Variants in SIRT3 observed in about 807,000 individuals in gnomAD.
SIRT3 encodes sirtuin 3, also known as NAD-dependent protein deacetylase sirtuin-3, mitochondrial.
A neutral mutation model predicts 33.5 loss-of-function variants in SIRT3; 26 were observed. The ratio of observed to expected loss-of-function variants is 0.78; its 90% confidence interval spans 0.57 to 1.08. The LOEUF is 1.08. Ranked by LOEUF, SIRT3 falls within the 50% of genes least tolerant of loss-of-function variation. The pLI is 0.00. For missense variants in SIRT3, 585 were observed against 530.1 expected (o/e 1.10, Z -1.02); for synonymous variants, 237 against 222.1 (o/e 1.07, Z -0.60).
In SIRT3 at chr11:215,081, C is replaced by T. The variant is rs1855518037; in HGVS notation, c.*1617G>A. 6.5e-6 allele frequency: 1 copy of T among 154,336 alleles called. No individual in the cohort carries two copies. Among genetic ancestry groups the T allele is most frequent in the African/African-American group, 2.4e-5 (1 of 41,430 alleles). The allele number at this position is 154,336 out of a possible 1,614,324, so 9.6% of individuals were successfully genotyped here. A position where few individuals can be genotyped will look rare whatever the true frequency, so the allele number is the denominator to read the frequency against. ...ATACCACACATAGCCACAGAAACAT[C>T]ATCTTGAAATAAAGAAGAGTTTTGG... On this transcript the variant is annotated 3_prime_UTR_variant, in exon 7 of 7. Transcript: ENST00000382743.
intron 4 of SIRT3, among the ~76,000 whole-genome samples, chr11:229,206 A>G (rs1857562204): frequency 6.8e-6 from 1 of 146,934 alleles, no homozygotes; most frequent in East Asian, 2.0e-4. Flanking sequence ...GTAATCCCAC[A>G]CTTTGGGAGA....
At chr11:217,987 C>T (rs1007357689) in intron 6 of SIRT3, among the ~76,000 whole-genome samples, 14 of 152,210 alleles carry the variant, frequency 9.2e-5, no homozygotes, top group Non-Finnish European at 1.6e-4. Context: ...CCCCCGCACA[C>T]GTCCTCTTGC....
At chr11:232,199 C>A (rs1858137962) in intron 3 of SIRT3, among the ~76,000 whole-genome samples, 1 of 152,060 alleles carries the variant, frequency 6.6e-6, no homozygotes, top group Non-Finnish European at 1.5e-5. Flanking sequence ...CTCACTGCAA[C>A]CTCCGCCTGC....
Position 215,284 on chromosome 11 carries a change from T to A in SIRT3, c.*1414A>T, listed in dbSNP as rs1230427594. On this transcript the variant is annotated 3_prime_UTR_variant, in exon 7 of 7. Coordinates refer to ENST00000382743, the MANE Select transcript of SIRT3 (RefSeq NM_012239.6). Reference sequence around the variant, plus strand: ...TACAAATATGCCCATGTGCTAGGTGTGGTGGGACACACCTGTAATCCCAGC... The same window carrying A: ...TACAAATATGCCCATGTGCTAGGTGAGGTGGGACACACCTGTAATCCCAGC... Among the ~76,000 whole-genome samples the A allele has an allele frequency of 6.6e-6, 1 of 152,034 alleles. No homozygotes were observed. The highest frequency in any genetic ancestry group is 2.4e-5 in the African/African-American group (1 of 41,398).
chr11:236,390 C>T (rs1376819382), upstream of SIRT3: 1 of 1,146,816 alleles, frequency 8.7e-7, no homozygotes, highest in Non-Finnish European at 1.1e-6. Flanking sequence ...GGCCCCGCCT[C>T]CGCCTCCCAC....
At chr11:222,753 C>T (rs1223472597) in intron 5 of SIRT3, 1 of 152,614 alleles carries the variant, frequency 6.6e-6, no homozygotes, top group Non-Finnish European at 1.5e-5. Context: ...CCACCTTCTT[C>T]TCTGCTCCAG....
chr11:227,210 C>T (rs1199929134), intron 4 of SIRT3, among the ~76,000 whole-genome samples: 3 of 151,518 alleles, frequency 2.0e-5, no homozygotes, highest in South Asian at 2.1e-4. Flanking sequence ...GAGGCCGAGG[C>T]GGGTGGATCA....
intron 3 of SIRT3, among the ~76,000 whole-genome samples, chr11:231,470 C>A (rs1165116274): frequency 6.6e-6 from 1 of 152,176 alleles, no homozygotes; most frequent in Non-Finnish European, 1.5e-5. Flanking sequence ...AACATATCTT[C>A]TATTCTACAG....
intron 6 of SIRT3, among the ~76,000 whole-genome samples, chr11:218,563 G>A (rs1251989589): frequency 3.3e-5 from 5 of 152,158 alleles, no homozygotes; most frequent in African/African-American, 1.2e-4. Context: ...TGAAGGTAAC[G>A]CCTATAGTCT....
Position 236,053 on chromosome 11 carries a change from A to G in SIRT3, c.276T>C (p.Phe92=). Reference sequence around the variant, plus strand: ...CTTGTCCTTGCCCAAAATACCTCGAAAAGAAGAAACTGGGAGCTGCTGCCC... The same window carrying G: ...CTTGTCCTTGCCCAAAATACCTCGAGAAGAAGAAACTGGGAGCTGCTGCCC... The part of the protein sequence containing the change: ...QPRAAAPSFF[F]SSIKGGRRSI... Residue 92 remains phenylalanine (F), a synonymous_variant, in exon 1 of 7, where the codon TTT becomes TTC. Transcript: ENST00000382743. 6.6e-7 allele frequency: 1 copy of G among 1,516,570 alleles called. No homozygotes were observed. Among genetic ancestry groups the G allele is most frequent in the Non-Finnish European group, 8.8e-7 (1 of 1,133,000 alleles). The allele number at this position is 1,516,570 out of a possible 1,614,324, so 93.9% of individuals were successfully genotyped here.
At chr11:236,392 GCCTC>G, upstream of SIRT3, 3 of 144,794 alleles carry the variant, frequency 2.1e-5, no homozygotes, top group Non-Finnish European at 1.6e-5. Flanking sequence ...CCCCGCCTCC[GCCTC>G]CCACCCCCGC....
At position 236,099 on chromosome 11, in the gene SIRT3, C is replaced by A; in HGVS notation, c.230G>T (p.Arg77Met). Reference protein sequence around the residue: ...LQRPPRPEVPRAFRRQPRAAA... With the variant: ...LQRPPRPEVPMAFRRQPRAAA... Reference sequence around the variant, plus strand: ...TGCCCTCGGCTGCCTCCGGAATGCCCTGGGCACCTCGGGTCTGGGAGGCCT... The same window carrying A: ...TGCCCTCGGCTGCCTCCGGAATGCCATGGGCACCTCGGGTCTGGGAGGCCT... The change falls in exon 1 of 7, where the codon AGG becomes ATG. Residue 77 changes from arginine (R) to methionine (M), a missense_variant. Coordinates refer to ENST00000382743, the MANE Select transcript of SIRT3 (RefSeq NM_012239.6). 1 of 1,578,520 alleles carries A rather than the reference C, an allele frequency of 6.3e-7. No individual in the cohort carries two copies. The highest frequency in any genetic ancestry group is 2.4e-5 in the East Asian group (1 of 42,130).
Position 218,848 on chromosome 11 carries a change from T to C in SIRT3, c.1163A>G (p.Gln388Arg), listed in dbSNP as rs111450242. The C allele has an allele frequency of 1.8e-4, 286 of 1,614,176 alleles. 2 individuals carry two copies. In the African/African-American group the frequency reaches 2.7e-3, roughly 15 times the overall value. ...GWTEEMRDLV[Q>R]RETGKLDGPD... Reference sequence around the variant, plus strand: ...AGTCTGTACCTTCCCAGTTTCCCGCTGCACAAGGTCCCGCATCTCTTCTGT... The same window carrying C: ...AGTCTGTACCTTCCCAGTTTCCCGCCGCACAAGGTCCCGCATCTCTTCTGT... The change falls in exon 6 of 7, where the codon CAG becomes CGG. Residue 388 changes from glutamine to arginine, a missense_variant. Transcript: ENST00000382743.
At chr11:231,980 C>A (rs12363280) in intron 3 of SIRT3, among the ~76,000 whole-genome samples, 3 of 137,816 alleles carry the variant, frequency 2.2e-5, no homozygotes, top group Non-Finnish European at 4.8e-5. Context: ...TTGGCACAAC[C>A]TGTGAATCGC....
chr11:217,564 C>T (rs561833288), intron 6 of SIRT3, among the ~76,000 whole-genome samples: 28 of 152,348 alleles, frequency 1.8e-4, no homozygotes, highest in African/African-American at 6.5e-4. Context: ...CGCCTCTCAG[C>T]GTTTAAGCCT....
At chr11:227,088 T>C (rs184227324) in intron 4 of SIRT3, among the ~76,000 whole-genome samples, 174 of 151,394 alleles carry the variant, frequency 1.1e-3, no homozygotes, top group African/African-American at 4.0e-3. Flanking sequence ...TAAAAGAAAA[T>C]TCATATGGAA....
chr11:223,891 CCCTGCCCT>C lies in SIRT3; in HGVS notation c.969+179_969+186del. ...AGATGACTCCTGTACCCCTCCCTTCCCCTGCCCTCCAGCCTCCTCCCTGCACAGGCCTG... is the reference window on the plus strand; with the variant it reads ...AGATGACTCCTGTACCCCTCCCTTCCCCAGCCTCCTCCCTGCACAGGCCTG... On this transcript the variant is annotated intron_variant, in intron 5 of 6. Transcript: ENST00000382743. This position sits in a 1 kb window ranked among gnomAD's most constrained non-coding sequence, Gnocchi z 4.8. 2.3e-4 allele frequency: 88 copies of C among 386,736 alleles called. 5 individuals are homozygous for C. Among genetic ancestry groups the C allele is most frequent in the East Asian group, 3.5e-4 (7 of 19,940 alleles). 24.0% of individuals were successfully genotyped at this position (386,736 alleles called of 1,614,324 possible).
At chr11:226,083 TA>T (rs34863687) in intron 4 of SIRT3, 24,210 of 152,190 alleles carry the variant, frequency 0.16, 2,450 homozygotes, top group Non-Finnish European at 0.22. Context: ...ACATTTTACC[TA>T]AGATAGAAGG....
In SIRT3 at chr11:223,677, AAGCCCAGC is replaced by A. The variant is rs1287250951; in HGVS notation, c.969+393_969+400del. On this transcript the variant is annotated intron_variant, in intron 5 of 6. Coordinates refer to ENST00000382743, the MANE Select transcript of SIRT3 (RefSeq NM_012239.6). The surrounding 1 kb of genome is among the most constrained non-coding windows in gnomAD (Gnocchi z 4.8). The stretch of plus-strand genomic sequence containing the variant: ...CCCACCCACACCTATACCACCTCCA[AAGCCCAGC>A]AGCTTCCCACCTTCCTGTCTCCTGC... 1 of 631,008 alleles carries A rather than the reference AAGCCCAGC, an allele frequency of 1.6e-6. No individual in the cohort carries two copies. The highest frequency in any genetic ancestry group is 2.9e-6 in the Non-Finnish European group (1 of 346,204). 39.1% of individuals were successfully genotyped at this position (631,008 alleles called of 1,614,324 possible).
Sources: gnomAD v4.1 joint callset for allele counts (sites outside exome capture counted in the v4.1 genomes callset) on GRCh38, gnomAD v4.1.1 for gene constraint, Gnocchi (gnomAD v3.1) non-coding constraint, MANE v1.5 for transcripts, NCBI Gene and HGNC (gene_info 2026-07-23, HGNC 2026-07-21) for gene names.